Variants in ARHGAP25 observed in about 807,000 individuals in gnomAD.
ARHGAP25 encodes rho GTPase-activating protein 25.
ARHGAP25 carries 34 observed loss-of-function variants against 71.0 expected under a neutral mutation model. That is an observed-to-expected ratio of 0.48 (90% CI 0.36 to 0.64). The LOEUF (loss-of-function observed/expected upper bound fraction) is 0.64. Among genes scored for constraint, ARHGAP25 ranks in the 30% least tolerant of loss-of-function variants. The pLI is 0.00. For synonymous variants in ARHGAP25, 282 were observed against 296.5 expected (o/e 0.95, Z 0.50); for missense variants, 706 against 805.1 (o/e 0.88, Z 1.49).
chr2:68,807,220 T>C, intron 4 of ARHGAP25, 53 bp from the exon 5 acceptor site: 1 of 1,585,628 alleles, frequency 6.3e-7, no homozygotes, highest in Non-Finnish European at 8.7e-7. Context: ...CAAGAAATAG[T>C]TCATCCAAGG....
chr2:68,735,213 T>C lies in ARHGAP25; in HGVS notation c.14T>C (p.Leu5Ser). The C allele has an allele frequency of 1.2e-6, 2 of 1,614,098 alleles. No individual in the cohort carries two copies. The highest frequency in any genetic ancestry group is 1.7e-6 in the Non-Finnish European group (2 of 1,179,976). The change falls in exon 1 of 11, where the codon TTG becomes TCG. Residue 5 changes from leucine (L) to serine (S), a missense_variant. Leu to Ser is a moderately radical substitution (Grantham distance 145). Coordinates refer to ENST00000409202, the MANE Select transcript of ARHGAP25 (RefSeq NM_001007231.3). ...ACTGGAAGCAAAATGTCCCTAAAAT[T>C]GCCAAGGAACTGGGATTTCAACCTG... The part of the protein sequence containing the change: MSLK[L>S]PRNWDFNLKV...
chr2:68,819,887 A>C (rs1681518153), intron 9 of ARHGAP25: 2 of 180,386 alleles, frequency 1.1e-5, no homozygotes, highest in African/African-American at 4.7e-5. Flanking sequence ...CGTGAGGACA[A>C]TAATTTACAA....
chr2:68,783,319 T>C (rs1678482992), intron 3 of ARHGAP25, among the ~76,000 whole-genome samples: 1 of 152,158 alleles, frequency 6.6e-6, no homozygotes, highest in Non-Finnish European at 1.5e-5. Context: ...GTCATATCAG[T>C]GTTTGATATT....
chr2:68,760,160 A>G (rs898700829), intron 1 of ARHGAP25, among the ~76,000 whole-genome samples: 1 of 152,026 alleles, frequency 6.6e-6, no homozygotes, highest in Non-Finnish European at 1.5e-5. Context: ...AAAACACTCA[A>G]TAAACCAGGA....
At position 68,756,120 on chromosome 2, in the gene ARHGAP25, C is replaced by A. The variant is rs556056354; in HGVS notation, c.62-19101C>A. Among the ~76,000 whole-genome samples the A allele has an allele frequency of 3.3e-5, 5 of 152,298 alleles. No individual in the cohort carries two copies. The South Asian group carries it at 1.0e-3, about 32-fold the overall frequency. On this transcript the variant is annotated intron_variant, in intron 1 of 10. Coordinates refer to ENST00000409202, the MANE Select transcript of ARHGAP25 (RefSeq NM_001007231.3). Reference sequence around the variant, plus strand: ...AAAATTGGCAACTTCCAGAAGGAGGCTTGGACAGTGAGTTGTACTTAATTT... The same window carrying A: ...AAAATTGGCAACTTCCAGAAGGAGGATTGGACAGTGAGTTGTACTTAATTT...
At chr2:68,799,107 A>AT (rs1411863612) in intron 4 of ARHGAP25, among the ~76,000 whole-genome samples, 1 of 152,170 alleles carries the variant, frequency 6.6e-6, no homozygotes, top group African/African-American at 2.4e-5. Flanking sequence ...GGCAGTGGAG[A>AT]TGCAGAAAAG....
chr2:68,724,706 C>G lies in ARHGAP25; in HGVS notation c.-18+14008C>G, dbSNP rs561491186. On this transcript the variant is annotated intron_variant and NMD_transcript_variant, in intron 2 of 7. Coordinates refer to the ARHGAP25 transcript ENST00000463483. ...GAGATGTTTACTGGGCATCTTTGGC[C>G]TAATGCAGGCCTATCTCCAGCCTCT... Among the ~76,000 whole-genome samples the G allele has an allele frequency of 3.1e-3, 470 of 152,326 alleles. 2 individuals carry two copies. Among genetic ancestry groups the G allele is most frequent in the Middle Eastern group, 0.01 (3 of 294 alleles).
intron 9 of ARHGAP25, among the ~76,000 whole-genome samples, chr2:68,821,272 G>A (rs1055853610): frequency 6.6e-5 from 10 of 151,740 alleles, no homozygotes; most frequent in African/African-American, 1.5e-4. Flanking sequence ...ATTGTTTTGC[G>A]TATTTTTTGT....
At chr2:68,786,001 C>T (rs914722795) in intron 3 of ARHGAP25, among the ~76,000 whole-genome samples, 1 of 152,184 alleles carries the variant, frequency 6.6e-6, no homozygotes, top group Non-Finnish European at 1.5e-5. Context: ...CAACAGAAAC[C>T]TTTCAAACCC....
intron 1 of ARHGAP25, among the ~76,000 whole-genome samples, chr2:68,759,167 A>G (rs975392079): frequency 2.6e-5 from 4 of 151,796 alleles, no homozygotes; most frequent in Non-Finnish European, 5.9e-5. Context: ...TTATAATTTA[A>G]GAAACTAGAA....
intron 6 of ARHGAP25, among the ~76,000 whole-genome samples, chr2:68,814,030 A>G (rs1251937369): frequency 2.6e-5 from 4 of 152,242 alleles, no homozygotes; most frequent in African/African-American, 7.2e-5. Flanking sequence ...ATTATAATCA[A>G]CCAACCAACC....
intron 2 of ARHGAP25, among the ~76,000 whole-genome samples, chr2:68,719,800 G>A (rs1179636967): frequency 6.6e-6 from 1 of 152,048 alleles, no homozygotes; most frequent in African/African-American, 2.4e-5. Context: ...GAGAAGTCTG[G>A]GGTTCAGAAA....
intron 1 of ARHGAP25, among the ~76,000 whole-genome samples, chr2:68,749,340 A>G (rs1280748233): frequency 2.0e-5 from 3 of 152,196 alleles, no homozygotes; most frequent in Non-Finnish European, 4.4e-5. Flanking sequence ...GTATCACAGG[A>G]ACTAGGTCAT....
At chr2:68,752,668 G>A (rs1401782354) in intron 1 of ARHGAP25, among the ~76,000 whole-genome samples, 15 of 152,150 alleles carry the variant, frequency 9.9e-5, no homozygotes, top group Admixed American at 6.5e-4. Context: ...ATGGGCATTT[G>A]TAAGTGAGTC....
At chr2:68,731,152 T>C (rs1479988945), upstream of ARHGAP25, among the ~76,000 whole-genome samples, 1 of 152,128 alleles carries the variant, frequency 6.6e-6, no homozygotes, top group Non-Finnish European at 1.5e-5. Flanking sequence ...ACATGAGCCT[T>C]GAGTGCAGAA....
intron 1 of ARHGAP25, among the ~76,000 whole-genome samples, chr2:68,763,724 G>A (rs1010485573): frequency 1.3e-5 from 2 of 152,094 alleles, no homozygotes; most frequent in Non-Finnish European, 2.9e-5. Context: ...ACTCTGCAGA[G>A]TTTCTGGCAT....
chr2:68,747,516 C>A (rs370598063), intron 1 of ARHGAP25, among the ~76,000 whole-genome samples: 1 of 152,184 alleles, frequency 6.6e-6, no homozygotes, highest in African/African-American at 2.4e-5. Flanking sequence ...CGTCCTCTTC[C>A]GTTTATCCAA....
intron 5 of ARHGAP25, among the ~76,000 whole-genome samples, chr2:68,807,764 G>A (rs1353536759): frequency 6.6e-6 from 1 of 152,194 alleles, no homozygotes; most frequent in Non-Finnish European, 1.5e-5. Flanking sequence ...AAGGTGATGT[G>A]CAGAGGAGGG....
At chr2:68,733,370 G>T (rs76752641), upstream of ARHGAP25, among the ~76,000 whole-genome samples, 1 of 152,150 alleles carries the variant, frequency 6.6e-6, no homozygotes, top group African/African-American at 2.4e-5. Flanking sequence ...ATCAACCAAG[G>T]GATTCGGGAG....
Sources: allele counts gnomAD v4.1 joint callset (sites outside exome capture counted in the v4.1 genomes callset), GRCh38; gene constraint gnomAD v4.1.1; transcripts MANE v1.5; gene names NCBI Gene and HGNC (gene_info 2026-07-23, HGNC 2026-07-21).